The following ROBO2 variants were observed in gnomAD, a reference collection of about 807,000 sequenced individuals.
ROBO2 encodes roundabout homolog 2.
ROBO2 carries 53 observed loss-of-function variants against 160.8 expected under a neutral mutation model. The ratio of observed to expected loss-of-function variants is 0.33; its 90% CI spans 0.26 to 0.41. ROBO2 has a LOEUF of 0.41. ROBO2 is among the 10% of genes least tolerant of loss of function. ROBO2 has a pLI of 1.00. For missense variants in ROBO2, 1,577 were observed against 1,722.4 expected (o/e 0.92, Z 1.49); for synonymous variants, 664 against 611.7 (o/e 1.09, Z -1.26).
intron 2 of ROBO2, among the ~76,000 whole-genome samples, chr3:76,737,676 A>T (rs181474213): frequency 3.1e-4 from 47 of 152,308 alleles, no homozygotes; most frequent in Middle Eastern, 3.4e-3. Flanking sequence ...CAGCATGTAG[A>T]TGGACAGAAG....
rs34759494 is a variant in ROBO2 at position 76,286,618 on chromosome 3, C to T, written c.109+349016C>T. Among the ~76,000 whole-genome samples, 702 of 152,164 alleles carry T rather than the reference C, an allele frequency of 4.6e-3. 21 individuals carry two copies. Among genetic ancestry groups the T allele is most frequent in the Admixed American group, 0.043 (656 of 15,262 alleles). On this transcript the variant is annotated intron_variant, in intron 2 of 26. Coordinates refer to the ROBO2 transcript ENST00000487694. Reference sequence around the variant, plus strand: ...TGGGAGGAAGATTTTGAGATCAGCACTGGGAGTGGAGGAGAGTGAATGGTC... The same window carrying T: ...TGGGAGGAAGATTTTGAGATCAGCATTGGGAGTGGAGGAGAGTGAATGGTC...
At chr3:75,910,543 A>G (rs1946530237) in intron 1 of ROBO2, among the ~76,000 whole-genome samples, 1 of 152,186 alleles carries the variant, frequency 6.6e-6, no homozygotes, top group Non-Finnish European at 1.5e-5. Flanking sequence ...TTTGTTCATT[A>G]CGAGATTCAT....
intron 2 of ROBO2, among the ~76,000 whole-genome samples, chr3:77,402,575 A>G (rs1301845080): frequency 2.6e-5 from 4 of 152,140 alleles, no homozygotes; most frequent in Non-Finnish European, 5.9e-5. Context: ...GGGCTCAACT[A>G]TGTGCACTAA....
intron 2 of ROBO2, among the ~76,000 whole-genome samples, chr3:77,389,845 C>A (rs570710138): frequency 2.0e-5 from 3 of 152,222 alleles, no homozygotes; most frequent in South Asian, 4.1e-4. Context: ...TTCTCACCCC[C>A]ACCTGGTATG....
intron 2 of ROBO2, among the ~76,000 whole-genome samples, chr3:76,376,260 T>C (rs1263879305): frequency 1.3e-5 from 2 of 152,090 alleles, no homozygotes; most frequent in South Asian, 2.1e-4. Context: ...TCTAAATTGG[T>C]TTCCCAGTCC....
intron 22 of ROBO2, chr3:77,618,168 T>A (rs2094823364): frequency 3.9e-6 from 1 of 255,294 alleles, no homozygotes; most frequent in Admixed American, 5.1e-5. Flanking sequence ...AGACTCCTTT[T>A]AGATTCCTCA....
At chr3:76,141,060 C>CATACATATATATATATATATATAT (rs1553656032) in intron 2 of ROBO2, among the ~76,000 whole-genome samples, 1 of 53,588 alleles carries the variant, frequency 1.9e-5, no homozygotes, top group Non-Finnish European at 3.5e-5. Flanking sequence ...TTTTTACATA[C>CATACATATATATATATATATATAT]ATATATATAT....
chr3:76,925,494 T>G (rs929886306), intron 2 of ROBO2, among the ~76,000 whole-genome samples: 2 of 152,182 alleles, frequency 1.3e-5, no homozygotes, highest in African/African-American at 4.8e-5. Context: ...ATATCAAAAT[T>G]TTAATTATAC....
chr3:76,056,543 T>A (rs1452610769), intron 2 of ROBO2, among the ~76,000 whole-genome samples: 5 of 151,340 alleles, frequency 3.3e-5, no homozygotes, highest in African/African-American at 1.2e-4. Flanking sequence ...AATACTGAAG[T>A]TTTGTTGCCT....
chr3:77,350,624 C>A (rs2068226980), intron 2 of ROBO2, among the ~76,000 whole-genome samples: 1 of 152,054 alleles, frequency 6.6e-6, no homozygotes, highest in Non-Finnish European at 1.5e-5. Flanking sequence ...CAGAAGGTGT[C>A]AGGTGAAATT....
intron 2 of ROBO2, among the ~76,000 whole-genome samples, chr3:77,282,105 A>G (rs572933035): frequency 2.6e-5 from 4 of 152,278 alleles, no homozygotes; most frequent in Admixed American, 1.3e-4. Flanking sequence ...GAATCATGAC[A>G]AGGAAAAAAT....
chr3:76,798,261 A>AAAG (rs1434997744), intron 2 of ROBO2, among the ~76,000 whole-genome samples: 1 of 123,062 alleles, frequency 8.1e-6, no homozygotes, highest in African/African-American at 3.4e-5. Context: ...AGAAAGAAGG[A>AAAG]AAGAAAGAAA....
intron 2 of ROBO2, among the ~76,000 whole-genome samples, chr3:76,764,029 A>G (rs1246954215): frequency 6.6e-6 from 1 of 151,752 alleles, no homozygotes; most frequent in Non-Finnish European, 1.5e-5. Flanking sequence ...TTAACAACAA[A>G]GAATCTTCGT....
chr3:76,329,261 C>T (rs2073294492), intron 2 of ROBO2, among the ~76,000 whole-genome samples: 1 of 152,154 alleles, frequency 6.6e-6, no homozygotes, highest in South Asian at 2.1e-4. Context: ...CTCTGTGGTC[C>T]AGGCTGCAGT....
At chr3:76,642,597 C>T (rs569353934) in intron 2 of ROBO2, among the ~76,000 whole-genome samples, 38 of 152,030 alleles carry the variant, frequency 2.5e-4, no homozygotes, top group African/African-American at 8.7e-4. Context: ...GGTGATCTGC[C>T]CGCCTCGGCC....
At chr3:76,306,220 AAAC>A (rs1411276975) in intron 2 of ROBO2, among the ~76,000 whole-genome samples, 2 of 152,224 alleles carry the variant, frequency 1.3e-5, no homozygotes, top group South Asian at 2.1e-4. Flanking sequence ...GTGAGATTAA[AAAC>A]AACAACATAT....
chr3:76,549,404 G>C (rs2083290872), intron 2 of ROBO2, among the ~76,000 whole-genome samples: 1 of 152,168 alleles, frequency 6.6e-6, no homozygotes, highest in African/African-American at 2.4e-5. Context: ...TATTAGGAAA[G>C]TGTTGCCTCT....
chr3:77,594,241 C>G (rs1157865523), intron 17 of ROBO2, among the ~76,000 whole-genome samples: 1 of 152,144 alleles, frequency 6.6e-6, no homozygotes, highest in Non-Finnish European at 1.5e-5. Context: ...GTCTCAGAAC[C>G]TCTTTGTAAT....
chr3:76,230,674 G>A (rs772063418), intron 2 of ROBO2, among the ~76,000 whole-genome samples: 5 of 139,764 alleles, frequency 3.6e-5, no homozygotes, highest in Non-Finnish European at 7.7e-5. Context: ...GTCACTGAAT[G>A]TAAAGATACT....
Sources: allele counts gnomAD v4.1 joint callset (sites outside exome capture counted in the v4.1 genomes callset), GRCh38; gene constraint gnomAD v4.1.1; transcripts MANE v1.5; gene names NCBI Gene and HGNC (gene_info 2026-07-23, HGNC 2026-07-21).